ADGRV1: variants seen among roughly 807,000 people sequenced by gnomAD.
ADGRV1 encodes G-protein coupled receptor 98.
ADGRV1 carries 359 observed loss-of-function variants against 596.2 expected under a neutral mutation model. That is an observed-to-expected ratio of 0.60 (90% CI 0.55 to 0.66). ADGRV1 has a LOEUF of 0.66. Ranked by LOEUF, ADGRV1 falls within the 30% of genes least tolerant of loss-of-function variation. ADGRV1 has a pLI of 0.00. For synonymous variants in ADGRV1, 2,681 were observed against 2,679.2 expected (o/e 1.00, Z -0.02); for missense variants, 7,274 against 7,575.6 (o/e 0.96, Z 1.48).
At chr5:91,160,427 C>T (rs1033177647) in intron 89 of ADGRV1, among the ~76,000 whole-genome samples, 1 of 152,154 alleles carries the variant, frequency 6.6e-6, no homozygotes, top group Non-Finnish European at 1.5e-5. Flanking sequence ...TGATGTGGGC[C>T]ACTCAGCTAG....
intron 2 of ADGRV1, among the ~76,000 whole-genome samples, chr5:90,616,992 T>C (rs2152055027): frequency 6.6e-6 from 1 of 152,342 alleles, no homozygotes; most frequent in South Asian, 2.1e-4. Context: ...GAACATGAGA[T>C]ATCTATCTTT....
chr5:90,634,893 C>G (rs952323203), intron 9 of ADGRV1, among the ~76,000 whole-genome samples: 2 of 152,068 alleles, frequency 1.3e-5, no homozygotes, highest in Non-Finnish European at 2.9e-5. Flanking sequence ...AGGGTTTAGG[C>G]AGACCCTTGG....
At chr5:90,775,920 T>A (rs1321336271) in intron 60 of ADGRV1, among the ~76,000 whole-genome samples, 1 of 152,186 alleles carries the variant, frequency 6.6e-6, no homozygotes, top group Non-Finnish European at 1.5e-5. Flanking sequence ...GAAACAATTT[T>A]CTTTAAGTTT....
chr5:90,722,248 C>T (rs1284070349), intron 45 of ADGRV1, among the ~76,000 whole-genome samples: 4 of 152,068 alleles, frequency 2.6e-5, no homozygotes, highest in Non-Finnish European at 4.4e-5. Context: ...AAAGATGACT[C>T]AGGCTTCTAG....
At chr5:90,875,435 T>C (rs1167333266) in intron 83 of ADGRV1, among the ~76,000 whole-genome samples, 3 of 152,222 alleles carry the variant, frequency 2.0e-5, no homozygotes, top group Non-Finnish European at 4.4e-5. Context: ...AATTTGTAAC[T>C]TCTCTTCGTG....
At position 90,823,613 on chromosome 5, in the gene ADGRV1, C is replaced by T. The variant is rs1763806930; in HGVS notation, c.16368+17C>T. Reference sequence around the variant, plus strand: ...CCAGAAAAGGTAAGAAATGAAGAGACACACTAGTGTCAACTTCTAATTATA... The same window carrying T: ...CCAGAAAAGGTAAGAAATGAAGAGATACACTAGTGTCAACTTCTAATTATA... On this transcript the variant is annotated intron_variant, in intron 76 of 89. Coordinates refer to ENST00000405460, the MANE Select transcript of ADGRV1 (RefSeq NM_032119.4). The T allele has an allele frequency of 2.5e-6, 4 of 1,600,374 alleles. No homozygotes were observed. The highest frequency in any genetic ancestry group is 2.6e-6 in the Non-Finnish European group (3 of 1,168,406).
intron 83 of ADGRV1, among the ~76,000 whole-genome samples, chr5:90,955,910 A>G (rs1777434639): frequency 6.6e-6 from 1 of 152,194 alleles, no homozygotes; most frequent in Non-Finnish European, 1.5e-5. Context: ...GTGTCACTGC[A>G]CTTAGAGAAA....
chr5:91,053,505 T>A (rs1248430423), intron 85 of ADGRV1, among the ~76,000 whole-genome samples: 1 of 152,216 alleles, frequency 6.6e-6, no homozygotes, highest in African/African-American at 2.4e-5. Flanking sequence ...CCTTTTTAAG[T>A]GCACAGATGA....
chr5:90,927,557 C>T (rs1210148547), intron 83 of ADGRV1, among the ~76,000 whole-genome samples: 2 of 152,300 alleles, frequency 1.3e-5, no homozygotes, highest in South Asian at 2.1e-4. Flanking sequence ...TTCCTGAATA[C>T]AGCACACTGA....
At chr5:91,117,410 TATTG>T (rs1792944065) in intron 87 of ADGRV1, among the ~76,000 whole-genome samples, 1 of 152,244 alleles carries the variant, frequency 6.6e-6, no homozygotes, top group Non-Finnish European at 1.5e-5. Flanking sequence ...AGAACAATAA[TATTG>T]ATTAAGTGTT....
chr5:90,681,392 C>A lies in ADGRV1; in HGVS notation c.5602C>A (p.Pro1868Thr), dbSNP rs1432167286. The A allele has an allele frequency of 4.3e-6, 7 of 1,613,830 alleles. No homozygotes were observed. The East Asian group carries it at 1.6e-4, about 36-fold the overall frequency. Residue 1868 changes from proline (P) to threonine (T), a missense_variant, in exon 27 of 90, where the codon CCT (proline) becomes ACT (threonine). Pro to Thr is a conservative substitution (Grantham distance 38). This residue lies in a region of ADGRV1 where 3,643 missense variants were observed against 3,809.2 expected (regional missense o/e 0.96). Transcript: ENST00000405460. ...CGCTCATGGCGTATTTGAATTTAGC[C>A]CTGAGTCACTCTTTGTCAGTGGAAC... ...DHAHGVFEFS[P>T]ESLFVSGTEP...
chr5:90,664,612 TC>T (rs1362887694), intron 21 of ADGRV1, among the ~76,000 whole-genome samples: 8 of 137,958 alleles, frequency 5.8e-5, no homozygotes, highest in Admixed American at 1.5e-4. Flanking sequence ...TATTTCCTTC[TC>T]CTGCCTAATT....
chr5:90,818,864 G>T (rs1244294653), intron 75 of ADGRV1, among the ~76,000 whole-genome samples: 1 of 149,092 alleles, frequency 6.7e-6, no homozygotes, highest in Non-Finnish European at 1.5e-5. Flanking sequence ...AAGGATATTG[G>T]TCTAAAATTC....
chr5:90,761,926 T>A (rs1000284021), intron 58 of ADGRV1, among the ~76,000 whole-genome samples: 2 of 152,240 alleles, frequency 1.3e-5, no homozygotes, highest in African/African-American at 4.8e-5. Context: ...AAGTTTATCT[T>A]TTAACCTTAA....
Position 90,742,708 on chromosome 5 carries a change from G to C in ADGRV1, c.10550-2338G>C, listed in dbSNP as rs573609927. On this transcript the variant is annotated intron_variant, in intron 50 of 89. Transcript: ENST00000405460. Reference sequence around the variant, plus strand: ...AGAGAAGATGTCTGAGAAAGAGCTGGAGGCGCATTCTTTAGAGATGTTGAA... The same window carrying C: ...AGAGAAGATGTCTGAGAAAGAGCTGCAGGCGCATTCTTTAGAGATGTTGAA... Among the ~76,000 whole-genome samples, 104 of 152,256 alleles carry C rather than the reference G, an allele frequency of 6.8e-4. 1 individual carries two copies. The highest frequency in any genetic ancestry group is 2.4e-3 in the African/African-American group (101 of 41,548).
At chr5:91,054,719 C>G (rs1014741135) in intron 85 of ADGRV1, among the ~76,000 whole-genome samples, 1 of 152,146 alleles carries the variant, frequency 6.6e-6, no homozygotes, top group African/African-American at 2.4e-5. Context: ...GCTCTCATGA[C>G]CTAATCACTC....
chr5:90,943,096 T>C (rs1479798675), intron 83 of ADGRV1, among the ~76,000 whole-genome samples: 3 of 152,088 alleles, frequency 2.0e-5, no homozygotes, highest in African/African-American at 7.2e-5. Flanking sequence ...GGGGGACAGA[T>C]TGTAGTTCTT....
At chr5:91,109,327 A>G (rs1454316729) in intron 87 of ADGRV1, among the ~76,000 whole-genome samples, 1 of 152,178 alleles carries the variant, frequency 6.6e-6, no homozygotes, top group African/African-American at 2.4e-5. Context: ...AGTTTATTCA[A>G]TCAGAATTGT....
At chr5:90,776,854 A>G (rs1349186087) in intron 61 of ADGRV1, among the ~76,000 whole-genome samples, 1 of 152,088 alleles carries the variant, frequency 6.6e-6, no homozygotes, top group African/African-American at 2.4e-5. Context: ...CAGAAAATCT[A>G]TGTTTTCACC....
Sources: gnomAD v4.1 joint callset for allele counts (sites outside exome capture counted in the v4.1 genomes callset) on GRCh38, gnomAD v4.1.1 for gene constraint, gnomAD v4.1.1 regional missense constraint, MANE v1.5 for transcripts, NCBI Gene and HGNC (gene_info 2026-07-23, HGNC 2026-07-21) for gene names.